Variants in DOK5 observed in about 807,000 individuals in gnomAD.
The protein encoded by DOK5 is docking protein 5.
DOK5 carries 27 observed loss-of-function variants against 43.3 expected under a neutral mutation model. The ratio of observed to expected loss-of-function variants is 0.62; its 90% CI spans 0.46 to 0.86. The LOEUF is 0.86. DOK5 is among the 40% of genes least tolerant of loss of function. The pLI is 0.00. For synonymous variants in DOK5, 146 were observed against 140.1 expected (o/e 1.04, Z -0.30); for missense variants, 373 against 392.9 (o/e 0.95, Z 0.43).
chr20:54,605,698 C>T (rs1986449244), intron 5 of DOK5, among the ~76,000 whole-genome samples: 1 of 152,252 alleles, frequency 6.6e-6, no homozygotes, highest in African/African-American at 2.4e-5. Context: ...CCTAGCACTG[C>T]CTTCTGCTTC....
chr20:54,559,028 G>C, intron 2 of DOK5, among the ~76,000 whole-genome samples: 1 of 152,140 alleles, frequency 6.6e-6, no homozygotes, highest in African/African-American at 2.4e-5. Context: ...ACCCATAGCT[G>C]TCAGAGATGG....
Position 54,630,802 on chromosome 20 carries a change from A to C in DOK5, c.736-12656A>C, listed in dbSNP as rs577681536. Among the ~76,000 whole-genome samples the C allele has an allele frequency of 3.3e-5, 5 of 152,358 alleles. No homozygotes were observed. In the South Asian group the frequency reaches 1.0e-3, roughly 32 times the overall value. ...TCATCTACTTTTTTGATATAGCAGC[A>C]ACATAAGCAATTTTTGAGTCAGTCT... On this transcript the variant is annotated intron_variant, in intron 6 of 7. Coordinates refer to ENST00000262593, the MANE Select transcript of DOK5 (RefSeq NM_018431.5).
chr20:54,632,977 A>G (rs1978639212), intron 6 of DOK5, among the ~76,000 whole-genome samples: 2 of 152,182 alleles, frequency 1.3e-5, no homozygotes, highest in Non-Finnish European at 2.9e-5. Context: ...CTCCTGAGGC[A>G]GGAGAATCGC....
chr20:54,595,079 T>C (rs143583175), intron 5 of DOK5, among the ~76,000 whole-genome samples: 5,335 of 152,224 alleles, frequency 0.035, 130 homozygotes, highest in Admixed American at 0.048. Context: ...TGGTGGCTCA[T>C]GCCTGTAATC....
intron 2 of DOK5, among the ~76,000 whole-genome samples, chr20:54,577,108 G>A (rs1376036483): frequency 6.6e-6 from 1 of 152,150 alleles, no homozygotes; most frequent in African/African-American, 2.4e-5. Flanking sequence ...TTAGAAGCTG[G>A]AAGTTCTAGA....
At chr20:54,579,574 T>C (rs2022371) in intron 2 of DOK5, among the ~76,000 whole-genome samples, 56,398 of 151,956 alleles carry the variant, frequency 0.37, 17,243 homozygotes, top group African/African-American at 0.84. Flanking sequence ...CTCCCTGCAG[T>C]CCCTGGAAAC....
At chr20:54,622,945 G>C (rs947029749) in intron 6 of DOK5, among the ~76,000 whole-genome samples, 1 of 152,128 alleles carries the variant, frequency 6.6e-6, no homozygotes, top group African/African-American at 2.4e-5. Context: ...TGAAATGGTG[G>C]TAGCAGGGCA....
chr20:54,491,211 C>T (rs1312099966), intron 1 of DOK5, among the ~76,000 whole-genome samples: 9 of 152,104 alleles, frequency 5.9e-5, no homozygotes, highest in African/African-American at 1.9e-4. Context: ...AAGCACTGAG[C>T]GGGTCTTTTT....
At chr20:54,589,151 G>C (rs897640110) in intron 4 of DOK5, among the ~76,000 whole-genome samples, 2 of 152,100 alleles carry the variant, frequency 1.3e-5, no homozygotes, top group Non-Finnish European at 1.5e-5. Flanking sequence ...CCTACGTTTT[G>C]CAGATGAGGA....
At chr20:54,514,586 C>CTTTTTT (rs199776939) in intron 1 of DOK5, among the ~76,000 whole-genome samples, 94 of 100,918 alleles carry the variant, frequency 9.3e-4, no homozygotes, top group African/African-American at 2.0e-3. Context: ...AAGTTTTACT[C>CTTTTTT]TTTTTTTTTT....
At chr20:54,642,584 C>T (rs552137036) in intron 6 of DOK5, among the ~76,000 whole-genome samples, 1 of 146,568 alleles carries the variant, frequency 6.8e-6, no homozygotes, top group South Asian at 2.2e-4. Flanking sequence ...ATTAGCCGGG[C>T]GTGGTGGCAT....
chr20:54,545,553 G>A (rs1033123843), intron 1 of DOK5, among the ~76,000 whole-genome samples: 1 of 152,188 alleles, frequency 6.6e-6, no homozygotes, highest in Non-Finnish European at 1.5e-5. Context: ...AAGGCTGAGA[G>A]TTAGAGAAGC....
chr20:54,533,629 G>T (rs1211253160), intron 1 of DOK5, among the ~76,000 whole-genome samples: 1 of 152,096 alleles, frequency 6.6e-6, no homozygotes. Flanking sequence ...ATCATTAACA[G>T]ATGGAAAAAC....
intron 1 of DOK5, among the ~76,000 whole-genome samples, chr20:54,493,762 C>A (rs1982286276): frequency 6.6e-6 from 1 of 151,628 alleles, no homozygotes; most frequent in Non-Finnish European, 1.5e-5. Flanking sequence ...CATAACGAGA[C>A]CCTCGTCTCT....
intron 2 of DOK5, among the ~76,000 whole-genome samples, chr20:54,569,047 C>T (rs1454644311): frequency 6.7e-6 from 1 of 149,198 alleles, no homozygotes; most frequent in Non-Finnish European, 1.5e-5. Flanking sequence ...GAAAAAAATG[C>T]TAATAGTTTA....
At position 54,496,539 on chromosome 20, in the gene DOK5, G is replaced by A. The variant is rs562298443; in HGVS notation, c.66+20527G>A. Among the ~76,000 whole-genome samples, 21 of 152,114 alleles carry A rather than the reference G, an allele frequency of 1.4e-4. No individual in the cohort carries two copies. The East Asian group carries it at 1.7e-3, about 13-fold the overall frequency. ...TCCCAGCACTTTGGGAGGCCAAGGC[G>A]GGTGGATCAGGAGGTCAGGAGATCG... On this transcript the variant is annotated intron_variant, in intron 1 of 7. Coordinates refer to ENST00000262593, the MANE Select transcript of DOK5 (RefSeq NM_018431.5).
intron 7 of DOK5, among the ~76,000 whole-genome samples, chr20:54,644,868 C>A (rs202034741): frequency 6.8e-5 from 10 of 146,152 alleles, no homozygotes; most frequent in African/African-American, 7.6e-5. Context: ...AACTCCATCT[C>A]AAAAAAAAAA....
chr20:54,569,735 A>G (rs774465948), intron 2 of DOK5, among the ~76,000 whole-genome samples: 12 of 152,202 alleles, frequency 7.9e-5, no homozygotes, highest in Non-Finnish European at 1.3e-4. Flanking sequence ...AGCATTTTTA[A>G]AAGAATGCAC....
rs143961984 is a variant in DOK5 at position 54,594,918 on chromosome 20, A to C, written c.599+3113A>C. 9.5e-4 allele frequency among the ~76,000 whole-genome samples: 144 copies of C among 152,344 alleles called. No individual in the cohort carries two copies. In the Middle Eastern group the frequency reaches 0.017, roughly 18 times the overall value. ...TGCTAAGGATTTAGGTGATTACTTA[A>C]AAGACCTCGATATTTCTCCTAAGTG... On this transcript the variant is annotated intron_variant, in intron 5 of 7. Transcript: ENST00000262593.
Sources: gnomAD v4.1 joint callset for allele counts (sites outside exome capture counted in the v4.1 genomes callset) on GRCh38, gnomAD v4.1.1 for gene constraint, MANE v1.5 for transcripts, NCBI Gene and HGNC (gene_info 2026-07-23, HGNC 2026-07-21) for gene names.